Variants in PI4KA observed in about 807,000 individuals in gnomAD.
The protein encoded by PI4KA is phosphatidylinositol 4-kinase alpha.
A neutral mutation model predicts 271.4 loss-of-function variants in PI4KA; 122 were observed. The observed-to-expected ratio is 0.45, with a 90% CI of 0.39 to 0.52. The LOEUF (loss-of-function observed/expected upper bound fraction) is 0.52, where lower values mean the gene tolerates loss of function less well. PI4KA is among the 20% of genes least tolerant of loss of function. PI4KA has a pLI of 0.00. For missense variants in PI4KA, 1,969 were observed against 2,769.1 expected (o/e 0.71, Z 6.48); for synonymous variants, 1,041 against 1,078.8 (o/e 0.96, Z 0.69).
rs1601506972 is a variant in PI4KA at position 20,790,737 on chromosome 22, CACA to C, written c.2328+2453_2328+2455del. Reference sequence around the variant, plus strand: ...ACACACACACACACACACACACACACACACAACAAAAAAAACCACCTCTGGAAA... The same window carrying C: ...ACACACACACACACACACACACACACCAACAAAAAAAACCACCTCTGGAAA... On this transcript the variant is annotated intron_variant, in intron 19 of 54. Transcript: ENST00000255882. Among the ~76,000 whole-genome samples the C allele has an allele frequency of 2.8e-5, 4 of 145,186 alleles. No homozygotes were observed. The East Asian group carries it at 8.1e-4, about 29-fold the overall frequency.
chr22:20,726,244 G>A (rs1016949562), intron 42 of PI4KA: 13 of 398,294 alleles, frequency 3.3e-5, no homozygotes, highest in Non-Finnish European at 5.8e-5. Flanking sequence ...AGCCAGGCTG[G>A]CAACAGCCCC....
chr22:20,825,543 C>T (rs963814459), intron 3 of PI4KA, among the ~76,000 whole-genome samples: 1 of 151,990 alleles, frequency 6.6e-6, no homozygotes, highest in Non-Finnish European at 1.5e-5. Flanking sequence ...TGCAGTGAAC[C>T]GAGGTCAGGC....
In PI4KA at chr22:20,733,061, G is replaced by A. The variant is rs138963515; in HGVS notation, c.4198C>T (p.Leu1400=). The part of the protein sequence containing the change: ...PKFPTQGEKR[L]REDISIMIKF... ...ATCATGATGCTTATGTCTTCACGCA[G>A]CCGCTTCTCTCCTTGAGTAGGGAAC... The change falls in exon 36 of 55, where the codon CTG becomes TTG. Residue 1400 remains leucine (L), a synonymous_variant. Transcript: ENST00000255882. The A allele has an allele frequency of 4.7e-5, 76 of 1,611,878 alleles. No individual in the cohort carries two copies. The African/African-American group carries it at 9.3e-4, about 20-fold the overall frequency.
chr22:20,738,125 G>A (rs928811813), intron 32 of PI4KA, among the ~76,000 whole-genome samples: 1 of 151,956 alleles, frequency 6.6e-6, no homozygotes, highest in Non-Finnish European at 1.5e-5. Context: ...TAGTGTGTAG[G>A]CAGGTGTGTG....
intron 1 of PI4KA, among the ~76,000 whole-genome samples, chr22:20,843,353 G>A (rs541734505): frequency 6.6e-6 from 1 of 152,118 alleles, no homozygotes; most frequent in Admixed American, 6.6e-5. Flanking sequence ...AGCCAGGCAC[G>A]GTGGCATGCC....
intron 17 of PI4KA, 68 bp downstream of exon 17, chr22:20,798,516 C>T (rs1357489165): frequency 2.0e-6 from 2 of 978,502 alleles, no homozygotes; most frequent in Non-Finnish European, 3.3e-6. Context: ...GACAAATTCA[C>T]AAACCTCACA....
intron 31 of PI4KA, 111 bp from the exon 32 acceptor site, chr22:20,742,466 G>C: frequency 6.4e-7 from 1 of 1,553,052 alleles, no homozygotes; most frequent in Non-Finnish European, 8.8e-7. Flanking sequence ...GCCTTTTATT[G>C]ACTTTCCACT....
intron 42 of PI4KA, 129 bp downstream of exon 42, chr22:20,726,359 G>A (rs1345703329): frequency 4.5e-6 from 3 of 670,828 alleles, no homozygotes; most frequent in East Asian, 6.8e-5. Flanking sequence ...GGGAGCAAGG[G>A]GACTGCTGGG....
At chr22:20,845,574 G>C (rs1926123789) in intron 1 of PI4KA, among the ~76,000 whole-genome samples, 1 of 152,178 alleles carries the variant, frequency 6.6e-6, no homozygotes, top group African/African-American at 2.4e-5. Context: ...TTGAATATAA[G>C]CTGATATTTT....
intron 1 of PI4KA, among the ~76,000 whole-genome samples, chr22:20,843,564 T>C (rs1925865102): frequency 6.6e-6 from 1 of 152,170 alleles, no homozygotes. Context: ...TGCACTGATA[T>C]GCTTACCTGA....
chr22:20,714,706 C>T lies in PI4KA; in HGVS notation c.5318-6G>A. Reference sequence around the variant, plus strand: ...GTTGCTGGGCAGGTAGCAGCCTGTGCAGGGACAGAGGCAGTCACAGGGAGT... The same window carrying T: ...GTTGCTGGGCAGGTAGCAGCCTGTGTAGGGACAGAGGCAGTCACAGGGAGT... On this transcript the variant is annotated splice_polypyrimidine_tract_variant and splice_region_variant and intron_variant, in intron 45 of 54. Coordinates refer to ENST00000255882, the MANE Select transcript of PI4KA (RefSeq NM_058004.4). 7 of 1,613,298 alleles carry T rather than the reference C, an allele frequency of 4.3e-6. No individual in the cohort carries two copies. Among genetic ancestry groups the T allele is most frequent in the Non-Finnish European group, 5.9e-6 (7 of 1,179,566 alleles).
chr22:20,778,390 G>C (rs1366672178), intron 19 of PI4KA, among the ~76,000 whole-genome samples: 1 of 152,106 alleles, frequency 6.6e-6, no homozygotes, highest in African/African-American at 2.4e-5. Flanking sequence ...TGTAGTCCCA[G>C]CTACTTGGGA....
intron 12 of PI4KA, 30 bp downstream of exon 12, chr22:20,804,270 C>A (rs758179456): frequency 6.8e-7 from 1 of 1,468,656 alleles, no homozygotes; most frequent in Non-Finnish European, 9.5e-7. Context: ...CAGGTGGGAT[C>A]TGAGCCTCTC....
intron 1 of PI4KA, 73 bp from the exon 2 acceptor site, chr22:20,838,804 G>T: frequency 1.1e-6 from 1 of 872,784 alleles, no homozygotes; most frequent in Non-Finnish European, 1.9e-6. Context: ...CAAGCTGAGT[G>T]CAGTGTCATA....
intron 5 of PI4KA, 21 bp from the exon 6 acceptor site, chr22:20,819,921 G>A (rs1462139352): frequency 3.7e-6 from 6 of 1,603,386 alleles, no homozygotes; most frequent in East Asian, 2.2e-5. Flanking sequence ...AAGTGAAAAC[G>A]TTACAATATA....
chr22:20,857,045 A>C (rs1927683079), intron 1 of PI4KA, among the ~76,000 whole-genome samples: 1 of 152,232 alleles, frequency 6.6e-6, no homozygotes. Context: ...TGATTCAATA[A>C]AACAGCACTA....
chr22:20,748,791 TGACCA>T (rs1460855438), intron 28 of PI4KA, among the ~76,000 whole-genome samples: 3 of 152,142 alleles, frequency 2.0e-5, no homozygotes, highest in Non-Finnish European at 2.9e-5. Context: ...GGAAGTACAC[TGACCA>T]GATACCCTAT....
chr22:20,840,535 GTGAGGAGACTCCTGCAGCAGC>G lies in PI4KA; in HGVS notation c.157-1825_157-1805del, dbSNP rs766021063. Among the ~76,000 whole-genome samples, 229 of 151,960 alleles carry G rather than the reference GTGAGGAGACTCCTGCAGCAGC, an allele frequency of 1.5e-3. 3 individuals carry two copies. The South Asian group carries it at 0.035, about 23-fold the overall frequency. ...AGGACAAGAGTGAAAACAGAGACAGGTGAGGAGACTCCTGCAGCAGCTGAGGAGACTCCTGCAGCAGCTGAG... is the reference window on the plus strand; with the variant it reads ...AGGACAAGAGTGAAAACAGAGACAGGTGAGGAGACTCCTGCAGCAGCTGAG... On this transcript the variant is annotated intron_variant, in intron 1 of 54. Coordinates refer to ENST00000255882, the MANE Select transcript of PI4KA (RefSeq NM_058004.4).
chr22:20,712,845 C>T, intron 48 of PI4KA, 48 bp from the exon 49 acceptor site: 1 of 1,550,794 alleles, frequency 6.4e-7, no homozygotes, highest in African/African-American at 1.4e-5. Context: ...GTCCTTGCAC[C>T]CCAGCAGCTC....
Sources: allele counts gnomAD v4.1 joint callset (sites outside exome capture counted in the v4.1 genomes callset), GRCh38; gene constraint gnomAD v4.1.1; transcripts MANE v1.5; gene names NCBI Gene and HGNC (gene_info 2026-07-23, HGNC 2026-07-21).